The following RAP2A variants were observed in gnomAD, a reference collection of about 807,000 sequenced individuals.
RAP2A encodes ras-related protein Rap-2a.
RAP2A carries 5 observed loss-of-function variants against 15.1 expected under a neutral mutation model. That is an observed-to-expected ratio of 0.33 (90% CI 0.17 to 0.70). The LOEUF is 0.70. RAP2A is among the 30% of genes least tolerant of loss of function. The pLI is 0.68. For synonymous variants in RAP2A, 110 were observed against 99.7 expected (o/e 1.10, Z -0.62); for missense variants, 111 against 240.3 (o/e 0.46, Z 3.56).
intron 1 of RAP2A, among the ~76,000 whole-genome samples, chr13:97,460,139 A>G (rs774191904): frequency 4.6e-5 from 7 of 152,202 alleles, no homozygotes; most frequent in African/African-American, 4.8e-5. Context: ...GCATGCTGGC[A>G]GTAGTGGCTC....
At chr13:97,462,065 T>TATATATATTTATATATATAG (rs2066750264) in intron 1 of RAP2A, among the ~76,000 whole-genome samples, 1 of 144,796 alleles carries the variant, frequency 6.9e-6, no homozygotes, top group African/African-American at 2.5e-5. Context: ...TATATATATA[T>TATATATATTTATATATATAG]TTATATATTA....
At chr13:97,441,787 T>C (rs751913694) in intron 1 of RAP2A, 3 of 448,774 alleles carry the variant, frequency 6.7e-6, no homozygotes, top group Non-Finnish European at 1.3e-5. Flanking sequence ...GTAAAAAGAG[T>C]TTTAAGTACT....
intron 1 of RAP2A, among the ~76,000 whole-genome samples, chr13:97,459,305 A>G (rs867479810): frequency 2.6e-5 from 4 of 152,154 alleles, no homozygotes; most frequent in East Asian, 1.9e-4. Flanking sequence ...GAAAAGGGGG[A>G]AAATGAAGGC....
intron 1 of RAP2A, among the ~76,000 whole-genome samples, chr13:97,451,164 A>G (rs2066700916): frequency 6.6e-6 from 1 of 152,162 alleles, no homozygotes; most frequent in South Asian, 2.1e-4. Flanking sequence ...AGGCATGTGC[A>G]TGCAATTTGT....
chr13:97,445,407 T>C (rs571509778), intron 1 of RAP2A, among the ~76,000 whole-genome samples: 4 of 152,194 alleles, frequency 2.6e-5, no homozygotes, highest in Non-Finnish European at 4.4e-5. Context: ...CATACATAGA[T>C]ACATGAAAGC....
At position 97,468,755 on chromosome 13, in the gene RAP2A, A is replaced by AT. The variant is rs2066783228; in HGVS notation, c.*4319dup. The AT allele has an allele frequency of 6.6e-6, 1 of 152,214 alleles. No homozygotes were observed. 9.4% of individuals were successfully genotyped at this position (152,214 alleles called of 1,614,324 possible). On this transcript the variant is annotated 3_prime_UTR_variant, in exon 2 of 2. Coordinates refer to ENST00000245304, the MANE Select transcript of RAP2A (RefSeq NM_021033.7). ...ATAATTTTATTTGAAGTGTTTGTAA[A>AT]TTTTTTAATAAATTATTTAAATGTA...
chr13:97,448,446 G>T (rs1028289278), intron 1 of RAP2A, among the ~76,000 whole-genome samples: 1 of 152,138 alleles, frequency 6.6e-6, no homozygotes, highest in African/African-American at 2.4e-5. Context: ...CAGGCTGATT[G>T]CCCAAGTGTG....
intron 1 of RAP2A, among the ~76,000 whole-genome samples, chr13:97,455,643 A>G (rs2066719808): frequency 6.6e-6 from 1 of 151,356 alleles, no homozygotes; most frequent in African/African-American, 2.4e-5. Flanking sequence ...TGTATACACC[A>G]CTCAGTGGCT....
In RAP2A at chr13:97,461,778, A is replaced by G. The variant is rs188149418; in HGVS notation, c.315-2427A>G. ...GGAGATCGAGACCATCCTAGCTAAC[A>G]CGATGAAACCCTGTCTCTACTAAAT... On this transcript the variant is annotated intron_variant, in intron 1 of 1. Coordinates refer to ENST00000245304, the MANE Select transcript of RAP2A (RefSeq NM_021033.7). 7.4e-3 allele frequency among the ~76,000 whole-genome samples: 1,129 copies of G among 151,662 alleles called. 19 individuals are homozygous for G. Among genetic ancestry groups the G allele is most frequent in the African/African-American group, 0.026 (1,058 of 41,382 alleles).
rs2066778182 is a variant in RAP2A at position 97,467,676 on chromosome 13, T to C, written c.*3234T>C. ...AATCAAACATTAAGGACTATGGAGG[T>C]CTTTTTTTTTTTATTTAACATGTCA... On this transcript the variant is annotated 3_prime_UTR_variant, in exon 2 of 2. Transcript: ENST00000245304. 1 of 57,982 alleles carries C rather than the reference T, an allele frequency of 1.7e-5. No individual in the cohort carries two copies. Among genetic ancestry groups the C allele is most frequent in the Admixed American group, 1.6e-4 (1 of 6,196 alleles). 3.6% of individuals were successfully genotyped at this position (57,982 alleles called of 1,614,324 possible). A position where few individuals can be genotyped will look rare whatever the true frequency, so the allele number is the denominator to read the frequency against.
Position 97,434,717 on chromosome 13 carries a change from A to G in RAP2A, c.247A>G (p.Ser83Gly). Reference sequence around the variant, plus strand: ...CGGCCAGGGCTTCATCCTCGTCTACAGCCTCGTCAACCAGCAGAGCTTCCA... The same window carrying G: ...CGGCCAGGGCTTCATCCTCGTCTACGGCCTCGTCAACCAGCAGAGCTTCCA... ...KNGQGFILVY[S>G]LVNQQSFQDI... is the part of the protein sequence containing the mutation. Residue 83 changes from serine (S) to glycine (G), a missense_variant, in exon 1 of 2, where the codon AGC (serine) becomes GGC (glycine). Physicochemically the swap from Ser to Gly is moderately conservative, Grantham distance 56. Coordinates refer to ENST00000245304, the MANE Select transcript of RAP2A (RefSeq NM_021033.7). The G allele has an allele frequency of 6.2e-7, 1 of 1,614,092 alleles. No individual in the cohort carries two copies. Among genetic ancestry groups the G allele is most frequent in the South Asian group, 1.1e-5 (1 of 91,068 alleles).
chr13:97,452,650 G>GCACACACA (rs34107608), intron 1 of RAP2A, among the ~76,000 whole-genome samples: 9,153 of 148,124 alleles, frequency 0.062, 530 homozygotes, highest in Non-Finnish European at 0.089. Context: ...ACACACACAC[G>GCACACACA]CACACACACA....
Position 97,468,189 on chromosome 13 carries a change from G to A in RAP2A, c.*3747G>A, listed in dbSNP as rs2066780896. 6.6e-6 allele frequency: 1 copy of A among 151,970 alleles called. No individual in the cohort carries two copies. The highest frequency in any genetic ancestry group is 2.4e-5 in the African/African-American group (1 of 41,438). The allele number at this position is 151,970 out of a possible 1,614,324, so 9.4% of individuals were successfully genotyped here. On this transcript the variant is annotated 3_prime_UTR_variant, in exon 2 of 2. Coordinates refer to ENST00000245304, the MANE Select transcript of RAP2A (RefSeq NM_021033.7). ...AAATAAAAATAACATGTAAGAGACT[G>A]TAAAATCAGTTATTATAAATATAAA...
At chr13:97,441,388 C>G (rs562523355) in intron 1 of RAP2A, among the ~76,000 whole-genome samples, 1 of 152,118 alleles carries the variant, frequency 6.6e-6, no homozygotes, top group Non-Finnish European at 1.5e-5. Flanking sequence ...TCACAGCCAA[C>G]AGGAAGAGCC....
chr13:97,463,876 A>G (rs2066758888), intron 1 of RAP2A, among the ~76,000 whole-genome samples: 1 of 152,202 alleles, frequency 6.6e-6, no homozygotes, highest in African/African-American at 2.4e-5. Flanking sequence ...AATTTTGTGC[A>G]ACCCTCTCTC....
Position 97,464,328 on chromosome 13 carries a change from C to G in RAP2A, c.438C>G (p.Ser146=), listed in dbSNP as rs750807456. 6.2e-7 allele frequency: 1 copy of G among 1,614,150 alleles called. No homozygotes were observed. Among genetic ancestry groups the G allele is most frequent in the Non-Finnish European group, 8.5e-7 (1 of 1,180,020 alleles). Residue 146 remains serine, a synonymous_variant, in exon 2 of 2, where the codon TCC becomes TCG. Transcript: ENST00000245304. ...GGGGCTGCCCCTTTATGGAAACTTC[C>G]GCTAAGAGTAAAACAATGGTGGACG... is the stretch of plus-strand genomic sequence containing the variant. ...EEWGCPFMET[S]AKSKTMVDEL... is the part of the protein sequence containing the mutation.
intron 1 of RAP2A, among the ~76,000 whole-genome samples, chr13:97,440,532 T>C (rs891496780): frequency 6.6e-6 from 1 of 152,186 alleles, no homozygotes; most frequent in Non-Finnish European, 1.5e-5. Flanking sequence ...GAAATAGTTA[T>C]GAGTGCTCAC....
At position 97,468,317 on chromosome 13, in the gene RAP2A, A is replaced by G. The variant is rs992430178; in HGVS notation, c.*3875A>G. 7 of 152,388 alleles carry G rather than the reference A, an allele frequency of 4.6e-5. No homozygotes were observed. The highest frequency in any genetic ancestry group is 1.9e-4 in the East Asian group (1 of 5,194). 9.4% of individuals were successfully genotyped at this position (152,388 alleles called of 1,614,324 possible). A position where few individuals can be genotyped will look rare whatever the true frequency, so the allele number is the denominator to read the frequency against. Reference sequence around the variant, plus strand: ...TTCAAATAATTAACATTAATTAGCAATATCACTAAAATGATTCAGAGGCCT... The same window carrying G: ...TTCAAATAATTAACATTAATTAGCAGTATCACTAAAATGATTCAGAGGCCT... On this transcript the variant is annotated 3_prime_UTR_variant, in exon 2 of 2. Transcript: ENST00000245304.
chr13:97,442,284 T>C (rs1010888766), intron 1 of RAP2A, among the ~76,000 whole-genome samples: 1 of 152,144 alleles, frequency 6.6e-6, no homozygotes, highest in Non-Finnish European at 1.5e-5. Context: ...TCTGGCATAA[T>C]TGTATAGATG....
Sources: allele counts gnomAD v4.1 joint callset (sites outside exome capture counted in the v4.1 genomes callset), GRCh38; gene constraint gnomAD v4.1.1; transcripts MANE v1.5; gene names NCBI Gene and HGNC (gene_info 2026-07-23, HGNC 2026-07-21).